The following LRRTM3 variants were observed in gnomAD, a reference collection of about 807,000 sequenced individuals.
The protein encoded by LRRTM3 is leucine-rich repeat transmembrane neuronal protein 3.
A neutral mutation model predicts 44.7 loss-of-function variants in LRRTM3; 24 were observed. That is an observed-to-expected ratio of 0.54 (90% CI 0.39 to 0.76). The LOEUF (loss-of-function observed/expected upper bound fraction) is 0.76. Ranked by LOEUF, LRRTM3 falls within the 30% of genes least tolerant of loss-of-function variation. The pLI, the probability that LRRTM3 is intolerant of heterozygous loss-of-function variation, is 0.00. For synonymous variants in LRRTM3, 277 were observed against 278.7 expected (o/e 0.99, Z 0.06); for missense variants, 587 against 702.2 (o/e 0.84, Z 1.85).
At chr10:67,074,615 G>C (rs1327168156) in intron 2 of LRRTM3, among the ~76,000 whole-genome samples, 11 of 152,080 alleles carry the variant, frequency 7.2e-5, no homozygotes, top group African/African-American at 2.4e-4. Context: ...TTCCCAAAGT[G>C]CTGGGATTAC....
intron 2 of LRRTM3, among the ~76,000 whole-genome samples, chr10:66,938,156 G>C (rs1248520129): frequency 6.6e-6 from 1 of 152,080 alleles, no homozygotes; most frequent in Non-Finnish European, 1.5e-5. Context: ...TCTTTGTGTA[G>C]TCATAAAAAC....
chr10:67,060,328 T>C (rs1223408715), intron 2 of LRRTM3, among the ~76,000 whole-genome samples: 1 of 152,060 alleles, frequency 6.6e-6, no homozygotes, highest in African/African-American at 2.4e-5. Context: ...AAAGTCTTTT[T>C]AAAAAAATTC....
chr10:67,004,498 C>T (rs554533088), intron 2 of LRRTM3, among the ~76,000 whole-genome samples: 15 of 107,916 alleles, frequency 1.4e-4, no homozygotes. Flanking sequence ...ATGCTTCTTC[C>T]CTCAAAAAAT....
chr10:66,999,047 TAAAGA>T (rs1851530956), intron 2 of LRRTM3, among the ~76,000 whole-genome samples: 1 of 152,104 alleles, frequency 6.6e-6, no homozygotes, highest in African/African-American at 2.4e-5. Flanking sequence ...ATTTTAGTTA[TAAAGA>T]AAACGGAAGA....
intron 2 of LRRTM3, among the ~76,000 whole-genome samples, chr10:66,959,145 G>A (rs990517638): frequency 6.6e-6 from 1 of 152,118 alleles, no homozygotes; most frequent in African/African-American, 2.4e-5. Flanking sequence ...CAGACTCACG[G>A]CAAAAGCTTA....
chr10:66,955,787 C>T (rs1848758775), intron 2 of LRRTM3, among the ~76,000 whole-genome samples: 1 of 152,138 alleles, frequency 6.6e-6, no homozygotes, highest in Non-Finnish European at 1.5e-5. Context: ...ATGGTATAAA[C>T]ATTACCCATT....
At chr10:66,996,649 C>CAAAAAAAAAAAAAAAAAAAAAAAAA (rs57025097) in intron 2 of LRRTM3, among the ~76,000 whole-genome samples, 3 of 67,638 alleles carry the variant, frequency 4.4e-5, no homozygotes, top group African/African-American at 5.9e-5. Flanking sequence ...TCCGTCTCTA[C>CAAAAAAAAAAAAAAAAAAAAAAAAA]AAAAAAAAAA....
intron 2 of LRRTM3, among the ~76,000 whole-genome samples, chr10:66,974,871 T>G (rs1253143132): frequency 6.6e-6 from 1 of 152,108 alleles, no homozygotes; most frequent in Admixed American, 6.5e-5. Flanking sequence ...TTTTTCTTCA[T>G]ATTGAATTCT....
At chr10:67,012,913 A>C (rs1852431421) in intron 2 of LRRTM3, 2 of 152,242 alleles carry the variant, frequency 1.3e-5, no homozygotes, top group South Asian at 2.1e-4. Flanking sequence ...TTAGCAGCAA[A>C]GACACGCCAT....
intron 1 of LRRTM3, 58 bp downstream of exon 1, chr10:66,926,645 G>C (rs930816371): frequency 1.9e-6 from 3 of 1,573,004 alleles, no homozygotes; most frequent in Non-Finnish European, 1.7e-6. Context: ...AAAACCTCTA[G>C]TGTGTGTAAT....
chr10:67,023,660 T>C (rs1349766287), intron 2 of LRRTM3, among the ~76,000 whole-genome samples: 1 of 152,208 alleles, frequency 6.6e-6, no homozygotes, highest in Admixed American at 6.5e-5. Flanking sequence ...TTAGAATCTA[T>C]GGAGAAAAAT....
chr10:67,020,421 G>A (rs908146840), intron 2 of LRRTM3, among the ~76,000 whole-genome samples: 1 of 151,990 alleles, frequency 6.6e-6, no homozygotes, highest in African/African-American at 2.4e-5. Flanking sequence ...ATGGCAGCAG[G>A]GATATTGTAA....
chr10:66,996,028 T>A (rs1851314685), intron 2 of LRRTM3, among the ~76,000 whole-genome samples: 1 of 152,224 alleles, frequency 6.6e-6, no homozygotes, highest in Non-Finnish European at 1.5e-5. Context: ...ATTATTTTAG[T>A]ACGCTTTATT....
chr10:66,936,752 T>C (rs1847723293), intron 2 of LRRTM3, among the ~76,000 whole-genome samples: 1 of 152,104 alleles, frequency 6.6e-6, no homozygotes, highest in African/African-American at 2.4e-5. Context: ...CATATTGAAA[T>C]TCCTCCATCC....
At chr10:67,052,817 T>C (rs986441739) in intron 2 of LRRTM3, 6 of 152,136 alleles carry the variant, frequency 3.9e-5, no homozygotes, top group Admixed American at 3.3e-4. Context: ...GTTTTATTGA[T>C]TCTGCTGAAT....
At chr10:67,005,899 T>G (rs1277487662) in intron 2 of LRRTM3, among the ~76,000 whole-genome samples, 3 of 151,782 alleles carry the variant, frequency 2.0e-5, no homozygotes, top group African/African-American at 7.3e-5. Context: ...TTGGCTAGGC[T>G]GGTCTCAAAC....
At chr10:67,077,538 G>C (rs992179456) in intron 2 of LRRTM3, among the ~76,000 whole-genome samples, 1 of 152,056 alleles carries the variant, frequency 6.6e-6, no homozygotes, top group African/African-American at 2.4e-5. Flanking sequence ...ACCTTGGCTT[G>C]AAGCATGCTT....
Position 66,928,127 on chromosome 10 carries a change from C to T in LRRTM3, c.1211C>T (p.Pro404Leu), listed in dbSNP as rs747748916. ...PLPPTVGATE[P>L]GPETDADAEH... is the part of the protein sequence containing the mutation. ...CCCCCGACGGTGGGAGCCACAGAGC[C>T]CGGCCCAGAGACCGATGCTGACGCC... The change falls in exon 2 of 3, where the codon CCC (proline) becomes CTC (leucine). Residue 404 changes from proline to leucine, a missense_variant. Pro to Leu is a moderately conservative substitution (Grantham distance 98). Around this residue, in one of 3 missense-constraint regions of LRRTM3, gnomAD observed 315 missense variants for 335.6 expected, o/e 0.94. Coordinates refer to ENST00000361320, the MANE Select transcript of LRRTM3 (RefSeq NM_178011.5). The T allele has an allele frequency of 1.2e-6, 2 of 1,613,948 alleles. No homozygotes were observed. The highest frequency in any genetic ancestry group is 1.7e-6 in the Non-Finnish European group (2 of 1,180,012).
intron 2 of LRRTM3, among the ~76,000 whole-genome samples, chr10:66,990,231 A>G (rs1422646986): frequency 6.6e-6 from 1 of 152,136 alleles, no homozygotes; most frequent in Admixed American, 6.6e-5. Flanking sequence ...GGTGGGGCCA[A>G]TGTGTCCCAT....
Sources: allele counts gnomAD v4.1 joint callset (sites outside exome capture counted in the v4.1 genomes callset), GRCh38; gene constraint gnomAD v4.1.1; regional missense constraint gnomAD v4.1.1; transcripts MANE v1.5; gene names NCBI Gene and HGNC (gene_info 2026-07-23, HGNC 2026-07-21).